The following NTM variants were observed in gnomAD, a reference collection of about 807,000 sequenced individuals.
The protein encoded by NTM is IgLON family member 2.
A neutral mutation model predicts 42.1 loss-of-function variants in NTM; 13 were observed. The ratio of observed to expected loss-of-function variants is 0.31; its 90% CI spans 0.20 to 0.49. The LOEUF (loss-of-function observed/expected upper bound fraction) is 0.49. Among genes scored for constraint, NTM ranks in the 20% least tolerant of loss-of-function variants. The pLI, the probability that NTM is intolerant of heterozygous loss-of-function variation, is 0.99. For missense variants in NTM, 373 were observed against 452.8 expected, an observed-to-expected ratio of 0.82 and a Z score of 1.60; for synonymous variants, 187 against 179.2, an observed-to-expected ratio of 1.04 and a Z score of -0.35.
chr11:132,152,139 A>G (rs75022623), intron 3 of NTM, among the ~76,000 whole-genome samples: 9,513 of 152,326 alleles, frequency 0.062, 464 homozygotes, highest in African/African-American at 0.14. Context: ...TTTGAAACAC[A>G]AAATATCAAA....
At position 131,699,443 on chromosome 11, in the gene NTM, G is replaced by T. The variant is rs142551185; in HGVS notation, c.83-212121G>T. Among the ~76,000 whole-genome samples the T allele has an allele frequency of 1.8e-3, 268 of 152,288 alleles. 1 individual carries two copies. The highest frequency in any genetic ancestry group is 5.2e-3 in the Admixed American group (79 of 15,296). ...AGAGGCAGGAGTGGGTTGCAAAGGA[G>T]AAGCATCAAATACAGATGAATGGCA... is the stretch of plus-strand genomic sequence containing the variant. On this transcript the variant is annotated intron_variant, in intron 1 of 8. Coordinates refer to ENST00000683400, the MANE Select transcript of NTM (RefSeq NM_001352005.2).
intron 1 of NTM, among the ~76,000 whole-genome samples, chr11:131,734,181 C>T (rs789556): frequency 0.15 from 23,320 of 152,034 alleles, 1,979 homozygotes; most frequent in Middle Eastern, 0.23. Context: ...CATAATTCTA[C>T]CCCCTCATCC....
intron 1 of NTM, among the ~76,000 whole-genome samples, chr11:131,486,486 C>T (rs1406703297): frequency 6.6e-6 from 1 of 152,186 alleles, no homozygotes; most frequent in Non-Finnish European, 1.5e-5. Flanking sequence ...ATGGGGATGT[C>T]TCTCAGCTCC....
At chr11:132,193,070 C>T (rs1434095547) in intron 3 of NTM, among the ~76,000 whole-genome samples, 4 of 152,118 alleles carry the variant, frequency 2.6e-5, no homozygotes, top group Non-Finnish European at 2.9e-5. Context: ...TGCAACACCC[C>T]ACTGACAGCA....
intron 1 of NTM, among the ~76,000 whole-genome samples, chr11:131,816,036 TCTC>T (rs1332315411): frequency 5.3e-5 from 8 of 152,214 alleles, no homozygotes; most frequent in Non-Finnish European, 1.0e-4. Context: ...CCTTCTCTTT[TCTC>T]CTCCTTTATT....
intron 1 of NTM, among the ~76,000 whole-genome samples, chr11:131,737,721 C>T (rs930236317): frequency 5.3e-5 from 8 of 152,138 alleles, no homozygotes; most frequent in South Asian, 2.1e-4. Flanking sequence ...AAATATCTTC[C>T]GCTTGGAATC....
At chr11:131,521,377 G>A (rs1010039279) in intron 1 of NTM, among the ~76,000 whole-genome samples, 2 of 133,806 alleles carry the variant, frequency 1.5e-5, no homozygotes, top group South Asian at 2.4e-4. Context: ...GAAGCAAGGT[G>A]CCAGTCTTTT....
intron 1 of NTM, among the ~76,000 whole-genome samples, chr11:131,711,454 T>G (rs1417650367): frequency 6.6e-6 from 1 of 152,180 alleles, no homozygotes; most frequent in Non-Finnish European, 1.5e-5. Flanking sequence ...CCAGTTAGAA[T>G]GGCAATCATT....
intron 1 of NTM, among the ~76,000 whole-genome samples, chr11:131,450,583 G>C (rs11222621): frequency 0.049 from 7,492 of 152,256 alleles, 217 homozygotes; most frequent in African/African-American, 0.065. Flanking sequence ...GACTGCCCTT[G>C]GTGCCTTCAC....
chr11:131,424,678 A>G (rs1166449647), intron 1 of NTM, among the ~76,000 whole-genome samples: 5 of 124,230 alleles, frequency 4.0e-5, no homozygotes, highest in African/African-American at 1.6e-4. Context: ...CTCCTGCCTC[A>G]GCCTCCAAGT....
At chr11:131,441,501 T>C (rs2135979423) in intron 1 of NTM, among the ~76,000 whole-genome samples, 1 of 152,266 alleles carries the variant, frequency 6.6e-6, no homozygotes, top group African/African-American at 2.4e-5. Context: ...CACAACACTA[T>C]GGAATATGTA....
chr11:131,951,127 T>C (rs1165969367), intron 2 of NTM, among the ~76,000 whole-genome samples: 2 of 152,204 alleles, frequency 1.3e-5, no homozygotes, highest in Non-Finnish European at 2.9e-5. Context: ...TAGGCCTTGA[T>C]TTTGAGTTCT....
At chr11:131,671,936 C>T (rs760769676) in intron 1 of NTM, among the ~76,000 whole-genome samples, 2 of 152,144 alleles carry the variant, frequency 1.3e-5, no homozygotes, top group Admixed American at 6.5e-5. Flanking sequence ...GCCTCTGTCC[C>T]GGCTCCACCT....
chr11:131,770,733 A>T (rs2085939903), intron 1 of NTM: 1 of 152,108 alleles, frequency 6.6e-6, no homozygotes, highest in East Asian at 1.9e-4. Context: ...CCCAGTTGGG[A>T]ACACTGGCAC....
At chr11:131,509,754 T>G (rs916067295) in intron 1 of NTM, among the ~76,000 whole-genome samples, 2 of 152,254 alleles carry the variant, frequency 1.3e-5, no homozygotes, top group African/African-American at 2.4e-5. Flanking sequence ...GTTGGGATTC[T>G]AATTCTTTCT....
chr11:131,672,611 A>G (rs2070534258), intron 1 of NTM, among the ~76,000 whole-genome samples: 2 of 152,154 alleles, frequency 1.3e-5, no homozygotes, highest in African/African-American at 4.8e-5. Context: ...GCTGGCATTA[A>G]TTGTATGACA....
chr11:131,480,570 T>G (rs770605536), intron 1 of NTM, among the ~76,000 whole-genome samples: 15 of 152,132 alleles, frequency 9.9e-5, no homozygotes, highest in Non-Finnish European at 2.1e-4. Context: ...GTTTCTAAGC[T>G]CCAGCAGTTT....
At chr11:132,133,717 A>G (rs73593368) in intron 2 of NTM, among the ~76,000 whole-genome samples, 28,007 of 152,148 alleles carry the variant, frequency 0.18, 3,225 homozygotes, top group African/African-American at 0.32. Context: ...TGGGAAAGGC[A>G]ACTCCCAGGA....
At chr11:132,152,932 C>A (rs1477338059) in intron 3 of NTM, among the ~76,000 whole-genome samples, 1 of 152,094 alleles carries the variant, frequency 6.6e-6, no homozygotes, top group Middle Eastern at 3.2e-3. Context: ...GAAAACTTGG[C>A]GTCTTTTGCA....
Sources: allele counts gnomAD v4.1 joint callset (sites outside exome capture counted in the v4.1 genomes callset), GRCh38; gene constraint gnomAD v4.1.1; transcripts MANE v1.5; gene names NCBI Gene and HGNC (gene_info 2026-07-23, HGNC 2026-07-21).